Variants in SPMIP2 observed in about 807,000 individuals in gnomAD.
SPMIP2 encodes the protein sperm microtubule inner protein 2.
chr4:159,011,908 C>T, the SPMIP2 span, among the ~76,000 whole-genome samples: 1 of 151,500 alleles, frequency 6.6e-6, no homozygotes, highest in Non-Finnish European at 1.5e-5. Flanking sequence ...AAAAAAAATA[C>T]AAAAATTAGC....
chr4:159,036,436 T>A, the SPMIP2 span, among the ~76,000 whole-genome samples: 5 of 152,306 alleles, frequency 3.3e-5, no homozygotes, highest in South Asian at 1.0e-3. Context: ...AGGTACTGAA[T>A]GAGGTAGAGG....
the SPMIP2 span, among the ~76,000 whole-genome samples, chr4:158,944,609 G>C: frequency 6.6e-6 from 1 of 152,052 alleles, no homozygotes; most frequent in African/African-American, 2.4e-5. Context: ...ACTTGTCACT[G>C]GTGATCCCAC....
chr4:159,014,103 T>C, the SPMIP2 span, among the ~76,000 whole-genome samples: 6 of 152,322 alleles, frequency 3.9e-5, no homozygotes, highest in African/African-American at 1.2e-4. Flanking sequence ...AATTCTGTTA[T>C]GTTTATAAAA....
At chr4:159,002,639 A>G in the SPMIP2 span, among the ~76,000 whole-genome samples, 2 of 152,220 alleles carry the variant, frequency 1.3e-5, no homozygotes, top group Non-Finnish European at 2.9e-5. Context: ...ATTTTTGTAT[A>G]TAAGAAGAGA....
chr4:159,050,723 G>C, the SPMIP2 span, among the ~76,000 whole-genome samples: 1 of 151,650 alleles, frequency 6.6e-6, no homozygotes, highest in Non-Finnish European at 1.5e-5. Context: ...TTGAACCCAG[G>C]AGTTCAAGGC....
At chr4:158,908,540 T>A in the SPMIP2 span, among the ~76,000 whole-genome samples, 5 of 152,202 alleles carry the variant, frequency 3.3e-5, no homozygotes, top group Non-Finnish European at 7.4e-5. Flanking sequence ...TACCAAGAAT[T>A]GATATACTTT....
At chr4:159,029,685 G>GT in the SPMIP2 span, among the ~76,000 whole-genome samples, 1 of 152,164 alleles carries the variant, frequency 6.6e-6, no homozygotes, top group African/African-American at 2.4e-5. Flanking sequence ...ATTTCTCAGG[G>GT]TTTTTGGAAT....
the SPMIP2 span, among the ~76,000 whole-genome samples, chr4:158,929,689 C>T: frequency 6.6e-6 from 1 of 152,112 alleles, no homozygotes; most frequent in African/African-American, 2.4e-5. Flanking sequence ...ACTCCATTTC[C>T]TCCTTCCTCC....
chr4:158,953,508 C>T, the SPMIP2 span, among the ~76,000 whole-genome samples: 1 of 152,212 alleles, frequency 6.6e-6, no homozygotes, highest in Non-Finnish European at 1.5e-5. Context: ...TCTATTGGAG[C>T]AGTGTGAAAG....
At chr4:159,010,451 C>T in the SPMIP2 span, among the ~76,000 whole-genome samples, 1 of 152,294 alleles carries the variant, frequency 6.6e-6, no homozygotes, top group African/African-American at 2.4e-5. Flanking sequence ...ATTCTGAATT[C>T]TGGTAAAGAA....
the SPMIP2 span, among the ~76,000 whole-genome samples, chr4:158,963,295 T>C: frequency 2.6e-3 from 391 of 152,086 alleles, 1 homozygote; most frequent in Middle Eastern, 0.014. Flanking sequence ...TGTTTTTTTT[T>C]TGTTTGTTTG....
At chr4:158,977,369 C>A in the SPMIP2 span, among the ~76,000 whole-genome samples, 3 of 152,112 alleles carry the variant, frequency 2.0e-5, no homozygotes, top group African/African-American at 7.2e-5. Context: ...GGATTTTCTA[C>A]TTTATTTGCA....
the SPMIP2 span, among the ~76,000 whole-genome samples, chr4:159,004,479 C>T: frequency 6.6e-6 from 1 of 151,814 alleles, no homozygotes; most frequent in South Asian, 2.1e-4. Flanking sequence ...TTAGTAGAGA[C>T]GGGGTTTTGC....
At chr4:158,921,448 T>TA in the SPMIP2 span, among the ~76,000 whole-genome samples, 5 of 149,812 alleles carry the variant, frequency 3.3e-5, no homozygotes, top group Non-Finnish European at 7.4e-5. Flanking sequence ...TCTCAAAATT[T>TA]AAAAAAAAAA....
At chr4:158,957,263 C>T in the SPMIP2 span, among the ~76,000 whole-genome samples, 21 of 152,106 alleles carry the variant, frequency 1.4e-4, no homozygotes, top group Non-Finnish European at 2.6e-4. Flanking sequence ...AATCCAAATT[C>T]TCTAACCCAG....
At chr4:158,978,744 C>CT in the SPMIP2 span, among the ~76,000 whole-genome samples, 442 of 150,980 alleles carry the variant, frequency 2.9e-3, 2 homozygotes, top group African/African-American at 0.01. Context: ...GCAAACCCTG[C>CT]TTTTTTTTTG....
chr4:158,895,224 A>C, the SPMIP2 span, among the ~76,000 whole-genome samples: 1 of 152,164 alleles, frequency 6.6e-6, no homozygotes, highest in Non-Finnish European at 1.5e-5. Context: ...GTTGTGGGGG[A>C]GGTTCAAAAT....
chr4:158,953,804 AT>A, the SPMIP2 span, among the ~76,000 whole-genome samples: 7 of 152,200 alleles, frequency 4.6e-5, no homozygotes, highest in African/African-American at 1.7e-4. Flanking sequence ...AGGAGATCAA[AT>A]TTGGAGCTTT....
the SPMIP2 span, among the ~76,000 whole-genome samples, chr4:159,022,431 G>A: frequency 6.6e-6 from 1 of 152,054 alleles, no homozygotes; most frequent in Admixed American, 6.5e-5. Flanking sequence ...AAATTAGATC[G>A]TAAAGAGCAG....
Sources: gnomAD v4.1 joint callset for allele counts (sites outside exome capture counted in the v4.1 genomes callset) on GRCh38, gnomAD v4.1.1 for gene constraint, MANE v1.5 for transcripts, NCBI Gene and HGNC (gene_info 2026-07-23, HGNC 2026-07-21) for gene names.